The following ME3 variants were observed in gnomAD, a reference collection of about 807,000 sequenced individuals.
ME3 encodes the protein malic enzyme 3.
In ME3, 48 loss-of-function variants were observed where a neutral mutation model predicts 68.9. That is an observed-to-expected ratio of 0.70 (90% CI 0.55 to 0.89). The LOEUF is 0.89. Ranked by LOEUF, ME3 falls within the 40% of genes least tolerant of loss-of-function variation. The probability of loss-of-function intolerance (pLI) is 0.00; values close to 1 mark genes in which losing one functional copy is unlikely to be tolerated. For synonymous variants in ME3, 320 were observed against 318.8 expected, an observed-to-expected ratio of 1.00 and a Z score of -0.04; for missense variants, 675 against 797.4, an observed-to-expected ratio of 0.85 and a Z score of 1.85.
intron 4 of ME3, among the ~76,000 whole-genome samples, chr11:86,552,000 GGC>G (rs1232214969): frequency 6.6e-6 from 1 of 152,206 alleles, no homozygotes; most frequent in African/African-American, 2.4e-5. Flanking sequence ...AACAGAGTGT[GGC>G]GGTACTTCAG....
chr11:86,557,171 G>T (rs998330951), intron 3 of ME3, among the ~76,000 whole-genome samples: 2 of 152,134 alleles, frequency 1.3e-5, no homozygotes, highest in Non-Finnish European at 2.9e-5. Context: ...GTGGGGTAGG[G>T]TCAAGGAAAA....
chr11:86,633,568 T>C (rs1396656885), intron 2 of ME3, among the ~76,000 whole-genome samples: 1 of 152,110 alleles, frequency 6.6e-6, no homozygotes, highest in Non-Finnish European at 1.5e-5. Context: ...ACAGGACGCT[T>C]AGGGACATTG....
exon 15 of ME3, chr11:86,441,282 G>T: frequency 6.3e-7 from 1 of 1,597,554 alleles, no homozygotes; most frequent in South Asian, 1.1e-5. Flanking sequence ...GACTGCCTCA[G>T]ACCGTCTGAA....
intron 2 of ME3, among the ~76,000 whole-genome samples, chr11:86,598,554 C>G (rs1053162463): frequency 1.3e-5 from 2 of 152,234 alleles, no homozygotes; most frequent in African/African-American, 4.8e-5. Context: ...GCAGTAACCT[C>G]TGCAGACTTA....
chr11:86,463,837 A>G (rs1043555053), intron 8 of ME3, among the ~76,000 whole-genome samples: 3 of 152,244 alleles, frequency 2.0e-5, no homozygotes, highest in Non-Finnish European at 4.4e-5. Flanking sequence ...GTGAATGGTT[A>G]TAGACTGCAA....
rs142264277 is a variant in ME3 at position 86,555,635 on chromosome 11, T to G, written c.467+918A>C. On this transcript the variant is annotated intron_variant, in intron 4 of 14. Transcript: ENST00000543262. ...AGTGGGATCCGGAAAGAAACAGGAC[T>G]GGCATTGGGAACACACTGTGACCAT... Among the ~76,000 whole-genome samples the G allele has an allele frequency of 3.0e-3, 460 of 152,298 alleles. 1 individual carries two copies. Among genetic ancestry groups the G allele is most frequent in the African/African-American group, 9.8e-3 (408 of 41,556 alleles).
intron 8 of ME3, among the ~76,000 whole-genome samples, chr11:86,450,865 C>T (rs1443132176): frequency 6.6e-6 from 1 of 152,200 alleles, no homozygotes; most frequent in African/African-American, 2.4e-5. Context: ...TCTGGTCGCA[C>T]ACCATCGTCA....
At chr11:86,582,765 T>A (rs11234701) in intron 2 of ME3, among the ~76,000 whole-genome samples, 4 of 151,624 alleles carry the variant, frequency 2.6e-5, no homozygotes, top group African/African-American at 7.3e-5. Context: ...TCTTTCCCCC[T>A]AGAAGAAAAC....
chr11:86,447,927 A>G (rs1026287839), intron 11 of ME3, among the ~76,000 whole-genome samples: 1 of 151,150 alleles, frequency 6.6e-6, no homozygotes, highest in Non-Finnish European at 1.5e-5. Flanking sequence ...TACTCACTGC[A>G]TTGTATATTT....
chr11:86,606,390 CAG>C (rs1425491939), intron 2 of ME3, among the ~76,000 whole-genome samples: 1 of 152,124 alleles, frequency 6.6e-6, no homozygotes, highest in East Asian at 1.9e-4. Flanking sequence ...TTGTGGACAG[CAG>C]AGAGATGGGT....
intron 2 of ME3, among the ~76,000 whole-genome samples, chr11:86,650,080 A>C (rs1247961001): frequency 6.6e-6 from 1 of 152,216 alleles, no homozygotes; most frequent in African/African-American, 2.4e-5. Flanking sequence ...ACAGTAAACA[A>C]AACAGCTTGG....
At chr11:86,469,560 C>T (rs573468971) in intron 7 of ME3, among the ~76,000 whole-genome samples, 3 of 152,314 alleles carry the variant, frequency 2.0e-5, no homozygotes, top group Admixed American at 2.0e-4. Flanking sequence ...ATCCTTCTGT[C>T]CTGCGAGAAG....
intron 8 of ME3, among the ~76,000 whole-genome samples, chr11:86,459,057 A>G (rs1397638456): frequency 1.3e-5 from 2 of 152,212 alleles, no homozygotes; most frequent in Non-Finnish European, 2.9e-5. Context: ...GAGTGGGATC[A>G]TTTAGAGTCT....
At chr11:86,670,264 A>AC (rs1946837113) in intron 2 of ME3, among the ~76,000 whole-genome samples, 1 of 152,214 alleles carries the variant, frequency 6.6e-6, no homozygotes, top group Non-Finnish European at 1.5e-5. Context: ...GTGGTGTGAG[A>AC]ACAGGAGATG....
intron 7 of ME3, among the ~76,000 whole-genome samples, chr11:86,474,284 A>G (rs1461562190): frequency 2.0e-5 from 3 of 152,194 alleles, no homozygotes; most frequent in African/African-American, 7.2e-5. Flanking sequence ...GTCCCAGGAT[A>G]ATGTGGCCAT....
At chr11:86,534,774 A>G (rs1159000994) in intron 4 of ME3, among the ~76,000 whole-genome samples, 1 of 152,206 alleles carries the variant, frequency 6.6e-6, no homozygotes, top group Non-Finnish European at 1.5e-5. Context: ...CCATAGGGAT[A>G]CAAAGTGAGA....
In ME3 at chr11:86,532,075, A is replaced by G. The variant is rs558196903; in HGVS notation, c.468-23208T>C. Among the ~76,000 whole-genome samples, 27 of 152,328 alleles carry G rather than the reference A, an allele frequency of 1.8e-4. No homozygotes were observed. The South Asian group carries it at 5.2e-3, about 29-fold the overall frequency. On this transcript the variant is annotated intron_variant, in intron 4 of 14. Transcript: ENST00000543262. The stretch of plus-strand genomic sequence containing the variant: ...AAACCAAAGAAGAACAGGGTTAGTT[A>G]TATCAGACAGAACAGTATAGATATT...
Position 86,592,788 on chromosome 11 carries a change from G to T in ME3, c.184-32965C>A, listed in dbSNP as rs574083518. On this transcript the variant is annotated intron_variant, in intron 2 of 14. Transcript: ENST00000543262. Reference sequence around the variant, plus strand: ...GAAGAAATTAAAACAGCTCAGTCTGGAATATCCCAGGAACCCCCAAACTTA... The same window carrying T: ...GAAGAAATTAAAACAGCTCAGTCTGTAATATCCCAGGAACCCCCAAACTTA... Among the ~76,000 whole-genome samples, 5 of 152,230 alleles carry T rather than the reference G, an allele frequency of 3.3e-5. No individual in the cohort carries two copies. In the South Asian group the frequency reaches 8.3e-4, roughly 25 times the overall value.
intron 5 of ME3, among the ~76,000 whole-genome samples, chr11:86,504,407 T>TTTTTTTTTTTTA (rs1491166256): frequency 4.0e-5 from 5 of 125,564 alleles, no homozygotes; most frequent in African/African-American, 1.6e-4. Flanking sequence ...TTTTTTTTTT[T>TTTTTTTTTTTTA]GAGACAGAGT....
Sources: allele counts gnomAD v4.1 joint callset (sites outside exome capture counted in the v4.1 genomes callset), GRCh38; gene constraint gnomAD v4.1.1; transcripts MANE v1.5; gene names NCBI Gene and HGNC (gene_info 2026-07-23, HGNC 2026-07-21).